Variants in CSF2RA observed in about 807,000 individuals in gnomAD.
CSF2RA encodes the protein colony stimulating factor 2 receptor subunit alpha, also known as granulocyte-macrophage colony-stimulating factor receptor subunit alpha.
A neutral mutation model predicts 51.6 loss-of-function variants in CSF2RA; 42 were observed. That is an observed-to-expected ratio of 0.81 (90% CI 0.64 to 1.05). CSF2RA has a LOEUF of 1.05. CSF2RA is among the 50% of genes least tolerant of loss of function. The probability of loss-of-function intolerance (pLI) is 0.00; values close to 1 mark genes in which losing one functional copy is unlikely to be tolerated. For synonymous variants in CSF2RA, 222 were observed against 193.0 expected, an observed-to-expected ratio of 1.15 and a Z score of -1.24; for missense variants, 530 against 501.1, an observed-to-expected ratio of 1.06 and a Z score of -0.55.
chrX:1,280,648 C>A (rs1470524540), intron 2 of CSF2RA, among the ~76,000 whole-genome samples: 1 of 129,508 alleles, frequency 7.7e-6, no homozygotes, highest in Non-Finnish European at 1.6e-5. Flanking sequence ...CTTCTCCCCC[C>A]TTCCTCCTCT....
intron 8 of CSF2RA, 129 bp from the exon 9 acceptor site, chrX:1,295,298 C>G: frequency 8.5e-7 from 1 of 1,172,856 alleles, no homozygotes; most frequent in South Asian, 1.2e-5. Flanking sequence ...TGGAGGGAGA[C>G]CTGCCTGCCA....
chrX:1,322,187 CCT>C, the CSF2RA span, among the ~76,000 whole-genome samples: 1 of 151,838 alleles, frequency 6.6e-6, no homozygotes, highest in South Asian at 2.1e-4. Context: ...GTCAACGCAA[CCT>C]CCACCTCCCA....
chrX:1,313,052 C>G (rs2084253796), downstream of CSF2RA, among the ~76,000 whole-genome samples: 1 of 152,104 alleles, frequency 6.6e-6, no homozygotes, highest in South Asian at 2.1e-4. Flanking sequence ...AAGGGAGCAC[C>G]ACATTCCTGG....
chrX:1,287,574 G>C (rs1453910042), intron 4 of CSF2RA, among the ~76,000 whole-genome samples: 12 of 149,132 alleles, frequency 8.0e-5, no homozygotes, highest in African/African-American at 9.9e-5. Context: ...CTCCTGAGTA[G>C]CTGGGATTAC....
chrX:1,294,463 T>A lies in CSF2RA; in HGVS notation c.780+2T>A. On this transcript the variant is annotated splice_donor_variant, in intron 8 of 12. Transcript: ENST00000381529. LOFTEE classifies it high-confidence loss of function. ...TACCAGCTGGACGTCCACAGAAAGG[T>A]CGGTGAGAGCTCCCCGGGGCTGGGC... 6.2e-7 allele frequency: 1 copy of A among 1,613,514 alleles called. No individual in the cohort carries two copies. Among genetic ancestry groups the A allele is most frequent in the Non-Finnish European group, 8.5e-7 (1 of 1,179,806 alleles).
At chrX:1,287,119 G>C (rs1265927451) in intron 4 of CSF2RA, 1 of 150,574 alleles carries the variant, frequency 6.6e-6, no homozygotes, top group Non-Finnish European at 1.5e-5. Context: ...GGGATGGGTG[G>C]TCTTGCTATG....
downstream of CSF2RA, among the ~76,000 whole-genome samples, chrX:1,311,284 T>C (rs2084171361): frequency 6.7e-6 from 1 of 150,224 alleles, no homozygotes; most frequent in African/African-American, 2.4e-5. Context: ...AAGAGGCTGG[T>C]ACCTCCTTCC....
downstream of CSF2RA, among the ~76,000 whole-genome samples, chrX:1,314,515 C>T (rs764221668): frequency 7.4e-4 from 82 of 110,582 alleles, 2 homozygotes; most frequent in East Asian, 2.0e-3. Flanking sequence ...AACCGCACTG[C>T]ACCTGCCCAA....
chrX:1,302,904 C>G (rs2083141298), intron 10 of CSF2RA: 2 of 253,426 alleles, frequency 7.9e-6, no homozygotes, highest in Admixed American at 5.7e-5. Context: ...CAGGGTCTCA[C>G]TCTGTCACCC....
the CSF2RA span, among the ~76,000 whole-genome samples, chrX:1,317,628 G>A: frequency 2.0e-5 from 3 of 151,166 alleles, no homozygotes; most frequent in African/African-American, 7.3e-5. Context: ...GAGTGCAATG[G>A]TATCATCTCA....
Position 1,287,416 on chromosome X carries a change from T to C in CSF2RA, c.220-1103T>C, listed in dbSNP as rs747116274. 1.9e-3 allele frequency among the ~76,000 whole-genome samples: 290 copies of C among 150,288 alleles called. 2 individuals carry two copies. Among genetic ancestry groups the C allele is most frequent in the Non-Finnish European group, 3.5e-3 (234 of 67,656 alleles). On this transcript the variant is annotated intron_variant, in intron 4 of 12. Transcript: ENST00000381529. Reference sequence around the variant, plus strand: ...ATCCACCCTCCTTGGCCTCCCAAAGTGCTGGCATTACAGGTGTGAGCCACC... The same window carrying C: ...ATCCACCCTCCTTGGCCTCCCAAAGCGCTGGCATTACAGGTGTGAGCCACC...
At chrX:1,280,435 C>A (rs779922817) in intron 2 of CSF2RA, among the ~76,000 whole-genome samples, 1 of 145,964 alleles carries the variant, frequency 6.9e-6, no homozygotes, top group African/African-American at 2.5e-5. Flanking sequence ...TGCACCACTG[C>A]ACTCCAGCCT....
chrX:1,305,527 G>C lies in CSF2RA; in HGVS notation c.1125G>C (p.Glu375Asp). Residue 375 changes from glutamate (E) to aspartate (D), a missense_variant and splice_region_variant, in exon 12 of 13, where the codon GAG becomes GAC. Coordinates refer to ENST00000381529, the MANE Select transcript of CSF2RA (RefSeq NM_172245.4). ...ATGATAACCATGAGGTGGAAGACGA[G>C]GTAGGCAGGGGTGGGCGGAGCAGTG... ...KLNDNHEVED[E>D]IIWEEFTPEE... 1 of 1,613,976 alleles carries C rather than the reference G, an allele frequency of 6.2e-7. No individual in the cohort carries two copies.
At chrX:1,272,334 G>A (rs1364070567) in intron 1 of CSF2RA, among the ~76,000 whole-genome samples, 2 of 146,708 alleles carry the variant, frequency 1.4e-5, no homozygotes, top group African/African-American at 2.5e-5. Context: ...TCAGAAGCTA[G>A]TACACCACAT....
rs759629870 is a variant in CSF2RA, at chrX:1,295,911, G to A, written c.810+455G>A. ...CTCATGACCCCTACAGTCCCCTACC[G>A]ATGACCTCCAGCGTAACCCTACAGT... On this transcript the variant is annotated intron_variant, in intron 9 of 12. Transcript: ENST00000381529. Among the ~76,000 whole-genome samples, 90 of 106,756 alleles carry A rather than the reference G, an allele frequency of 8.4e-4. 1 individual carries two copies. The East Asian group carries it at 0.011, about 13-fold the overall frequency. The allele number at this position is 106,756 out of a possible 152,430, so 70.0% of individuals were successfully genotyped here.
At chrX:1,320,020 C>T in the CSF2RA span, among the ~76,000 whole-genome samples, 8,491 of 138,994 alleles carry the variant, frequency 0.061, 973 homozygotes, top group East Asian at 0.4. Context: ...CTCAGCCTTC[C>T]GAGTAGCTGG....
chrX:1,319,958 C>A, the CSF2RA span, among the ~76,000 whole-genome samples: 1 of 149,128 alleles, frequency 6.7e-6, no homozygotes, highest in East Asian at 2.0e-4. Flanking sequence ...TGCAGTGGCA[C>A]GATCTCGGCT....
the CSF2RA span, among the ~76,000 whole-genome samples, chrX:1,320,033 C>T: frequency 2.9e-5 from 4 of 137,560 alleles, no homozygotes; most frequent in African/African-American, 7.4e-5. Context: ...GTAGCTGGGA[C>T]TACAGGTGCC....
rs771435926 is a variant in CSF2RA at position 1,282,717 on chromosome X, T to C, written c.14T>C (p.Val5Ala). 2.5e-6 allele frequency: 4 copies of C among 1,613,670 alleles called. No individual in the cohort carries two copies. The highest frequency in any genetic ancestry group is 3.4e-6 in the Non-Finnish European group (4 of 1,179,636). Reference protein sequence around the residue: MLLLVTSLLLCELPH... With the variant: MLLLATSLLLCELPH... ...CTGACCAGCACCATGCTTCTCCTGG[T>C]GACAAGCCTTCTGCTCTGTGAGTTA... Residue 5 changes from valine to alanine, a missense_variant, in exon 3 of 13, where the codon GTG becomes GCG. Val to Ala is a moderately conservative substitution (Grantham distance 64, BLOSUM62 0). Coordinates refer to ENST00000381529, the MANE Select transcript of CSF2RA (RefSeq NM_172245.4).
Sources: allele counts gnomAD v4.1 joint callset (sites outside exome capture counted in the v4.1 genomes callset), GRCh38; gene constraint gnomAD v4.1.1; transcripts MANE v1.5; gene names NCBI Gene and HGNC (gene_info 2026-07-23, HGNC 2026-07-21).